LINC00305: variants seen among roughly 807,000 people sequenced by gnomAD.
LINC00305 encodes the protein long independently transcribed non-coding RNA 305.
At chr18:64,102,638 T>G (rs1405112564) in intron 1 of LINC00305, among the ~76,000 whole-genome samples, 11 of 152,152 alleles carry the variant, frequency 7.2e-5, no homozygotes, top group Non-Finnish European at 1.5e-4. Context: ...TTTAACTGGC[T>G]CATGGTTCTG....
intron 3 of LINC00305, among the ~76,000 whole-genome samples, chr18:64,081,547 G>A (rs919299560): frequency 6.6e-6 from 1 of 152,126 alleles, no homozygotes; most frequent in Non-Finnish European, 1.5e-5. Flanking sequence ...GGATTTATGT[G>A]CTGCACATAA....
At chr18:64,130,630 G>T (rs943835771) in intron 1 of LINC00305, among the ~76,000 whole-genome samples, 2 of 152,090 alleles carry the variant, frequency 1.3e-5, no homozygotes, top group Admixed American at 1.3e-4. Context: ...TTTGAAAAAG[G>T]TCTATGGAAA....
rs1555669388 is a variant in LINC00305 at position 64,143,482 on chromosome 18, G to GGT, written n.314+5291_314+5292dup. Among the ~76,000 whole-genome samples the GGT allele has an allele frequency of 6.7e-4, 28 of 41,810 alleles. 4 individuals are homozygous for GGT. The highest frequency in any genetic ancestry group is 1.7e-3 in the African/African-American group (16 of 9,530). The allele number at this position is 41,810 out of a possible 152,430, so 27.4% of individuals were successfully genotyped here. A position where few individuals can be genotyped will look rare whatever the true frequency, so the allele number is the denominator to read the frequency against. ...GGCCTAGTATCTGAAAAGCATTGAT[G>GGT]GTGTGTGTGTGTATATATATATGTA... On this transcript the variant is annotated intron_variant and non_coding_transcript_variant, in intron 1 of 3. Transcript: ENST00000666468.
intron 3 of LINC00305, among the ~76,000 whole-genome samples, chr18:64,088,017 G>A (rs2051210494): frequency 6.6e-6 from 1 of 152,178 alleles, no homozygotes; most frequent in East Asian, 1.9e-4. Flanking sequence ...CAGCTACCTG[G>A]GAGGCTGAGG....
chr18:64,100,241 AG>A (rs1295114589), intron 1 of LINC00305, among the ~76,000 whole-genome samples: 2 of 152,176 alleles, frequency 1.3e-5, no homozygotes, highest in African/African-American at 4.8e-5. Context: ...TGTAGACCAA[AG>A]TAGTTTGCTC....
intron 1 of LINC00305, among the ~76,000 whole-genome samples, chr18:64,121,197 C>A (rs2051360312): frequency 6.6e-6 from 1 of 152,000 alleles, no homozygotes; most frequent in Admixed American, 6.6e-5. Flanking sequence ...ATCACCTCTT[C>A]TTTTTTAAAT....
chr18:64,135,347 A>G (rs1483796488), intron 1 of LINC00305, among the ~76,000 whole-genome samples: 1 of 152,068 alleles, frequency 6.6e-6, no homozygotes, highest in Non-Finnish European at 1.5e-5. Flanking sequence ...GCACAGTTTA[A>G]CCCATAATGA....
At chr18:64,099,107 A>G (rs1281475968) in intron 1 of LINC00305, among the ~76,000 whole-genome samples, 1 of 152,156 alleles carries the variant, frequency 6.6e-6, no homozygotes, top group Non-Finnish European at 1.5e-5. Context: ...CCAATCATTC[A>G]TTTACTTTTA....
intron 1 of LINC00305, among the ~76,000 whole-genome samples, chr18:64,113,321 C>T (rs1252050467): frequency 1.3e-5 from 2 of 152,128 alleles, no homozygotes; most frequent in African/African-American, 2.4e-5. Context: ...ACAATGCTTA[C>T]GTCTGAGTAA....
intron 1 of LINC00305, among the ~76,000 whole-genome samples, chr18:64,124,151 G>T (rs1039018077): frequency 2.0e-5 from 3 of 152,052 alleles, no homozygotes; most frequent in Non-Finnish European, 2.9e-5. Context: ...TATTCCCCTT[G>T]CTCCTCACTT....
In LINC00305 at chr18:64,139,902, G is replaced by C. The variant is rs77634490; in HGVS notation, n.314+8873C>G. Among the ~76,000 whole-genome samples the C allele has an allele frequency of 8.1e-4, 124 of 152,228 alleles. 1 individual carries two copies. In the East Asian group the frequency reaches 0.019, roughly 24 times the overall value. Reference sequence around the variant, plus strand: ...AGCAACCCGTCTTACTCAGAATATAGCTAAAGGCCTTAGGATGACCCTCAC... The same window carrying C: ...AGCAACCCGTCTTACTCAGAATATACCTAAAGGCCTTAGGATGACCCTCAC... On this transcript the variant is annotated intron_variant and non_coding_transcript_variant, in intron 1 of 3. Coordinates refer to ENST00000666468, the Ensembl canonical transcript of LINC00305.
chr18:64,085,606 G>A (rs1404837153), intron 3 of LINC00305, among the ~76,000 whole-genome samples: 2 of 152,088 alleles, frequency 1.3e-5, no homozygotes, highest in Non-Finnish European at 2.9e-5. Flanking sequence ...GGGACTACAG[G>A]TGCACAACTA....
chr18:64,095,758 T>G (rs550708922), intron 3 of LINC00305, among the ~76,000 whole-genome samples: 11 of 152,220 alleles, frequency 7.2e-5, no homozygotes, highest in African/African-American at 2.4e-4. Context: ...AGAATACATT[T>G]GGAGTTTCGA....
chr18:64,143,617 CACATATGTATGTACACGTATTATGTAT>C (rs1568120147), intron 1 of LINC00305, among the ~76,000 whole-genome samples: 42 of 115,000 alleles, frequency 3.7e-4, no homozygotes, highest in African/African-American at 1.4e-3. Flanking sequence ...TACATATGTA[CACATATGTATGTACACGTATTATGTAT>C]ACATATGTAT....
At chr18:64,117,779 C>T (rs376484660) in intron 1 of LINC00305, among the ~76,000 whole-genome samples, 1 of 152,184 alleles carries the variant, frequency 6.6e-6, no homozygotes, top group Non-Finnish European at 1.5e-5. Context: ...GGCTTTGCCT[C>T]CATGTTTCCA....
chr18:64,136,756 G>A (rs562155024), intron 1 of LINC00305, among the ~76,000 whole-genome samples: 5 of 152,308 alleles, frequency 3.3e-5, no homozygotes, highest in Admixed American at 2.6e-4. Flanking sequence ...GAGCTTAGGA[G>A]CCTGGCTTGT....
intron 3 of LINC00305, among the ~76,000 whole-genome samples, chr18:64,084,212 A>G (rs1384241798): frequency 6.6e-6 from 1 of 152,184 alleles, no homozygotes; most frequent in Admixed American, 6.5e-5. Context: ...CTCTTTTCTC[A>G]TGTATATGGC....
intron 1 of LINC00305, among the ~76,000 whole-genome samples, chr18:64,143,614 G>A (rs1465931018): frequency 9.4e-6 from 1 of 106,870 alleles, no homozygotes; most frequent in Middle Eastern, 4.4e-3. Flanking sequence ...ATGTACATAT[G>A]TACACATATG....
At chr18:64,118,626 T>C (rs1046549632) in intron 1 of LINC00305, among the ~76,000 whole-genome samples, 2 of 152,302 alleles carry the variant, frequency 1.3e-5, no homozygotes, top group South Asian at 4.1e-4. Flanking sequence ...CGTGGAATGC[T>C]GGCTCCATCT....
Sources: allele counts gnomAD v4.1 joint callset (sites outside exome capture counted in the v4.1 genomes callset), GRCh38; gene constraint gnomAD v4.1.1; transcripts MANE v1.5; gene names NCBI Gene and HGNC (gene_info 2026-07-23, HGNC 2026-07-21).